The following MED14 variants were observed in gnomAD, a reference collection of about 807,000 sequenced individuals.
MED14 encodes mediator of RNA polymerase II transcription subunit 14.
A neutral mutation model predicts 109.0 loss-of-function variants in MED14; 8 were observed. The observed-to-expected ratio is 0.07, with a 90% CI of 0.04 to 0.13. The LOEUF (loss-of-function observed/expected upper bound fraction) is 0.13, where lower values mean the gene tolerates loss of function less well. MED14 is among the 10% of genes least tolerant of loss of function. MED14 has a pLI of 1.00. For missense variants in MED14, 711 were observed against 1,142.4 expected (o/e 0.62, Z 5.44); for synonymous variants, 399 against 408.7 (o/e 0.98, Z 0.29).
intron 11 of MED14, among the ~76,000 whole-genome samples, chrX:40,701,983 G>A (rs889588010): frequency 9.0e-6 from 1 of 111,385 alleles, no homozygotes; most frequent in African/African-American, 3.3e-5. Context: ...GAAGGGATCA[G>A]TAGCAGACTT....
At chrX:40,680,175 A>T in intron 20 of MED14, 42 bp from the exon 21 acceptor site, 1 of 1,165,293 alleles carries the variant, frequency 8.6e-7, no homozygotes, top group East Asian at 3.0e-5. Context: ...GTTTCTGTAC[A>T]AATGTTAAAA....
chrX:40,680,077 C>T lies in MED14; in HGVS notation c.2667G>A (p.Pro889=), dbSNP rs745510188. The change falls in exon 21 of 31, where the codon CCG becomes CCA. Residue 889 remains proline, a synonymous_variant. Coordinates refer to ENST00000324817, the MANE Select transcript of MED14 (RefSeq NM_004229.4). ...TGGTTCTCTGGGTCAAGCCCAACAT[C>T]GGCACAGTGGGGAGTTTGTTGATGG... ...LNAINKLPTV[P]MLGLTQRTNT... is the part of the protein sequence containing the mutation. 6.6e-6 allele frequency: 8 copies of T among 1,209,090 alleles called. No individual in the cohort carries two copies. The highest frequency in any genetic ancestry group is 2.3e-4 in the Middle Eastern group (1 of 4,373).
chrX:40,711,236 G>A lies in MED14; in HGVS notation c.955C>T (p.Arg319Trp), dbSNP rs1321645977. The A allele has an allele frequency of 2.5e-6, 3 of 1,207,034 alleles. No homozygotes were observed. Among genetic ancestry groups the A allele is most frequent in the African/African-American group, 1.7e-5 (1 of 57,626 alleles). Residue 319 changes from arginine (R) to tryptophan (W), a missense_variant, in exon 8 of 31, where the codon CGG becomes TGG. Physicochemically the swap from Arg to Trp is moderately radical, Grantham distance 101 (BLOSUM62 -3). Coordinates refer to ENST00000324817, the MANE Select transcript of MED14 (RefSeq NM_004229.4). ...TCCACCTGCACAAGGTCTCCCCACC[G>A]TTCTCGGATTAACATTAGAGTTTGG... is the stretch of plus-strand genomic sequence containing the variant. ...HSQTLMLIRE[R>W]WGDLVQVERY... is the part of the protein sequence containing the mutation.
intron 3 of MED14, among the ~76,000 whole-genome samples, chrX:40,719,344 T>C (rs1165567151): frequency 8.9e-6 from 1 of 111,830 alleles, no homozygotes; most frequent in Non-Finnish European, 1.9e-5. Flanking sequence ...ATCCCAACAG[T>C]TGGACATGAC....
At chrX:40,692,347 T>TAAAAA in intron 14 of MED14, 30 bp from the exon 15 acceptor site, 1 of 880,818 alleles carries the variant, frequency 1.1e-6, no homozygotes, top group Non-Finnish European at 1.5e-6. Flanking sequence ...CACAAACAGG[T>TAAAAA]AAAAAAAAAA....
chrX:40,658,925 G>A (rs1929169820), intron 28 of MED14, among the ~76,000 whole-genome samples: 1 of 111,116 alleles, frequency 9.0e-6, no homozygotes, highest in African/African-American at 3.3e-5. Flanking sequence ...TCTCTGGAAG[G>A]AGAGGCAAGC....
rs145722564 is a variant in MED14, at chrX:40,711,234, C to T, written c.957G>A (p.Arg319=). The T allele has an allele frequency of 3.4e-5, 41 of 1,206,633 alleles. No individual in the cohort carries two copies. In the African/African-American group the frequency reaches 5.6e-4, roughly 17 times the overall value. The change falls in exon 8 of 31, where the codon CGG becomes CGA. Residue 319 remains arginine (R), a synonymous_variant. Transcript: ENST00000324817. The part of the protein sequence containing the change: ...HSQTLMLIRE[R]WGDLVQVERY... ...TTTCCACCTGCACAAGGTCTCCCCA[C>T]CGTTCTCGGATTAACATTAGAGTTT...
intron 10 of MED14, among the ~76,000 whole-genome samples, chrX:40,708,997 C>T (rs939711693): frequency 4.5e-5 from 5 of 110,853 alleles, no homozygotes; most frequent in South Asian, 3.7e-4. Flanking sequence ...TAAATAGAGA[C>T]GGGGTCTCAT....
rs779857271 is a variant in MED14 at position 40,665,111 on chromosome X, A to G, written c.3266-622T>C. On this transcript the variant is annotated intron_variant, in intron 24 of 30. Transcript: ENST00000324817. ...TGTAACCAAATGACAAACTGAAAAAATACTTTTACCATGTATATGTCAGAG... is the reference window on the plus strand; with the variant it reads ...TGTAACCAAATGACAAACTGAAAAAGTACTTTTACCATGTATATGTCAGAG... Among the ~76,000 whole-genome samples the G allele has an allele frequency of 8.9e-5, 10 of 112,594 alleles. No homozygotes were observed. In the South Asian group the frequency reaches 3.6e-3, roughly 41 times the overall value.
chrX:40,701,103 G>GA, intron 12 of MED14, 62 bp downstream of exon 12: 1 of 849,761 alleles, frequency 1.2e-6, no homozygotes, highest in South Asian at 2.4e-5. Flanking sequence ...TGATGGAGAA[G>GA]AAAACATATC....
Position 40,696,524 on chromosome X carries a change from A to C in MED14, c.1650+500T>G, listed in dbSNP as rs753501848. 5.4e-5 allele frequency among the ~76,000 whole-genome samples: 6 copies of C among 111,364 alleles called. No homozygotes were observed. The South Asian group carries it at 2.2e-3, about 42-fold the overall frequency. On this transcript the variant is annotated intron_variant, in intron 13 of 30. Transcript: ENST00000324817. ...ATTTTAACTAATTCAAAAATAAAGA[A>C]ACTAAAAAACATACAGAAACAGTGA...
At chrX:40,727,649 T>A (rs1357263754) in intron 2 of MED14, among the ~76,000 whole-genome samples, 3 of 111,648 alleles carry the variant, frequency 2.7e-5, no homozygotes, top group African/African-American at 9.8e-5. Flanking sequence ...GATAATCATA[T>A]CTTTTATGGT....
At chrX:40,710,687 C>T (rs1327517941) in intron 8 of MED14, among the ~76,000 whole-genome samples, 3 of 96,569 alleles carry the variant, frequency 3.1e-5, no homozygotes, top group African/African-American at 1.4e-4. Flanking sequence ...CCAAAGTAAA[C>T]TAACCTCTCA....
At chrX:40,695,817 C>T (rs1352678296) in intron 13 of MED14, among the ~76,000 whole-genome samples, 4 of 111,936 alleles carry the variant, frequency 3.6e-5, no homozygotes, top group African/African-American at 6.5e-5. Flanking sequence ...ATAAGTATCC[C>T]GAGCTTAAGA....
chrX:40,708,362 T>C (rs909240181), intron 10 of MED14, among the ~76,000 whole-genome samples: 1 of 112,000 alleles, frequency 8.9e-6, no homozygotes, highest in African/African-American at 3.2e-5. Flanking sequence ...CACTTATTTT[T>C]CTAACTTTCT....
chrX:40,713,594 C>T (rs1018815331), intron 5 of MED14, among the ~76,000 whole-genome samples, 184 bp downstream of exon 5: 15 of 111,619 alleles, frequency 1.3e-4, no homozygotes, highest in Admixed American at 4.7e-4. Flanking sequence ...AGGTGCGGGC[C>T]ACCGCACCCA....
rs56073211 is a variant in MED14 at position 40,718,681 on chromosome X, T to A, written c.349-3971A>T. Among the ~76,000 whole-genome samples the A allele has an allele frequency of 6.2e-3, 685 of 110,429 alleles. 6 individuals are homozygous for A. Among genetic ancestry groups the A allele is most frequent in the African/African-American group, 0.021 (632 of 30,309 alleles). On this transcript the variant is annotated intron_variant, in intron 3 of 30. Coordinates refer to ENST00000324817, the MANE Select transcript of MED14 (RefSeq NM_004229.4). ...AGACCCCATCTCTATAAAAACTTTT[T>A]AAAAATTAGATGGGCACAGTAGTGT...
Position 40,650,723 on chromosome X carries a change from C to T in MED14, c.*1083G>A. On this transcript the variant is annotated 3_prime_UTR_variant, in exon 31 of 31. Transcript: ENST00000324817. The stretch of plus-strand genomic sequence containing the variant: ...ATGAGGGGAATGGACCAGGTTTCTT[C>T]CAAGCAAAACATTCTATCGTTTTGT... The T allele has an allele frequency of 1.3e-6, 1 of 753,952 alleles. No individual in the cohort carries two copies. The highest frequency in any genetic ancestry group is 1.6e-6 in the Non-Finnish European group (1 of 639,145). The allele number at this position is 753,952 out of a possible 1,213,427, so 62.1% of individuals were successfully genotyped here.
chrX:40,657,207 T>G (rs777638202), intron 28 of MED14, among the ~76,000 whole-genome samples: 1 of 111,894 alleles, frequency 8.9e-6, no homozygotes, highest in South Asian at 3.7e-4. Context: ...TCTTTTTAAA[T>G]GCTATTATGC....
Sources: allele counts gnomAD v4.1 joint callset (sites outside exome capture counted in the v4.1 genomes callset), GRCh38; gene constraint gnomAD v4.1.1; transcripts MANE v1.5; gene names NCBI Gene and HGNC (gene_info 2026-07-23, HGNC 2026-07-21).